Variants in KSR2 observed in about 807,000 individuals in gnomAD.
KSR2 encodes kinase suppressor of ras 2.
KSR2 carries 25 observed loss-of-function variants against 107.8 expected under a neutral mutation model. The ratio of observed to expected loss-of-function variants is 0.23; its 90% confidence interval spans 0.17 to 0.32. The LOEUF (loss-of-function observed/expected upper bound fraction) is 0.32. Among genes scored for constraint, KSR2 ranks in the 10% least tolerant of loss-of-function variants. The pLI is 1.00. For missense variants in KSR2, 887 were observed against 1,268.9 expected, an observed-to-expected ratio of 0.70 and a Z score of 4.57; for synonymous variants, 480 against 507.0, an observed-to-expected ratio of 0.95 and a Z score of 0.71.
intron 5 of KSR2, among the ~76,000 whole-genome samples, chr12:117,601,639 C>A (rs56244007): frequency 1.3e-5 from 2 of 152,158 alleles, no homozygotes; most frequent in African/African-American, 2.4e-5. Context: ...AAGGACCCCC[C>A]CCTAGAGCCT....
chr12:117,739,532 T>G (rs1888092353), intron 4 of KSR2, among the ~76,000 whole-genome samples: 1 of 152,178 alleles, frequency 6.6e-6, no homozygotes, highest in Non-Finnish European at 1.5e-5. Context: ...GTACAATTAG[T>G]GCCGGGCATA....
At chr12:117,709,548 C>A (rs1886668870) in intron 4 of KSR2, among the ~76,000 whole-genome samples, 1 of 152,114 alleles carries the variant, frequency 6.6e-6, no homozygotes, top group South Asian at 2.1e-4. Context: ...GCTCAGAAGG[C>A]CTCACGGGAT....
At chr12:117,527,279 CGACACACACACACACACACACA>C (rs1875239720) in intron 12 of KSR2, among the ~76,000 whole-genome samples, 160 bp from the exon 13 acceptor site, 16 of 132,130 alleles carry the variant, frequency 1.2e-4, no homozygotes, top group South Asian at 2.5e-4. Flanking sequence ...TCCATAACCT[CGACACACACACACACACACACA>C]GACACACACA....
At chr12:117,546,167 C>T (rs1001530200) in intron 9 of KSR2, among the ~76,000 whole-genome samples, 5 of 152,144 alleles carry the variant, frequency 3.3e-5, no homozygotes, top group African/African-American at 7.2e-5. Flanking sequence ...TTATGGCAAA[C>T]AGTCTTAGTT....
At chr12:117,558,633 G>T (rs1433092538) in intron 7 of KSR2, 60 bp from the exon 8 acceptor site, 1 of 1,320,576 alleles carries the variant, frequency 7.6e-7, no homozygotes, top group Non-Finnish European at 1.1e-6. Context: ...GCGGGTAGGT[G>T]GGTGGGTGGA....
chr12:117,751,343 C>T (rs1323355017), intron 4 of KSR2, among the ~76,000 whole-genome samples: 3 of 152,188 alleles, frequency 2.0e-5, no homozygotes, highest in Non-Finnish European at 4.4e-5. Context: ...TCATTAGCAG[C>T]GTGAGAACGG....
chr12:117,630,376 C>CATGTGT (rs1433840819), intron 5 of KSR2, among the ~76,000 whole-genome samples: 1 of 148,530 alleles, frequency 6.7e-6, no homozygotes, highest in African/African-American at 2.6e-5. Context: ...TGTGTGTGTG[C>CATGTGT]ATGTGTATGT....
intron 4 of KSR2, among the ~76,000 whole-genome samples, chr12:117,704,788 G>A (rs928445795): frequency 6.6e-6 from 1 of 152,036 alleles, no homozygotes; most frequent in Admixed American, 6.5e-5. Context: ...GAACCCAGGA[G>A]GTGGAGGTTG....
intron 5 of KSR2, among the ~76,000 whole-genome samples, chr12:117,631,239 T>C (rs55738113): frequency 0.039 from 5,903 of 152,278 alleles, 259 homozygotes; most frequent in East Asian, 0.24. Flanking sequence ...TGTTTGAGGC[T>C]GCAGCAAGCT....
chr12:117,491,691 C>T (rs190797433), intron 14 of KSR2, among the ~76,000 whole-genome samples: 23 of 152,210 alleles, frequency 1.5e-4, no homozygotes, highest in African/African-American at 4.1e-4. Flanking sequence ...TACAATGAAC[C>T]GGGGGAGCAC....
chr12:117,751,467 ATCACT>A (rs1199851365), intron 4 of KSR2, among the ~76,000 whole-genome samples: 1 of 152,176 alleles, frequency 6.6e-6, no homozygotes, highest in Non-Finnish European at 1.5e-5. Context: ...AAGAGGAAAC[ATCACT>A]GTGCTAGTGG....
intron 1 of KSR2, among the ~76,000 whole-genome samples, chr12:117,879,029 C>T (rs10850917): frequency 0.39 from 59,532 of 151,884 alleles, 14,237 homozygotes; most frequent in East Asian, 0.87. Flanking sequence ...GGTCATTATG[C>T]GACCTCAGGC....
intron 1 of KSR2, among the ~76,000 whole-genome samples, chr12:117,943,610 G>A (rs1216678589): frequency 1.3e-5 from 2 of 151,600 alleles, no homozygotes; most frequent in Admixed American, 6.6e-5. Context: ...AACAAAATGG[G>A]CAGATACATA....
At chr12:117,584,031 G>A (rs538590092) in intron 5 of KSR2, among the ~76,000 whole-genome samples, 6 of 152,170 alleles carry the variant, frequency 3.9e-5, no homozygotes, top group Non-Finnish European at 7.3e-5. Context: ...GTCGGCAGCC[G>A]TCTGAAAGCT....
At chr12:117,545,611 C>T (rs968810643) in intron 9 of KSR2, among the ~76,000 whole-genome samples, 1 of 152,124 alleles carries the variant, frequency 6.6e-6, no homozygotes, top group Admixed American at 6.5e-5. Flanking sequence ...TTGATGACTG[C>T]AGGGTCTGTA....
At position 117,848,799 on chromosome 12, in the gene KSR2, TAACAAC is replaced by T. The variant is rs1275462286; in HGVS notation, c.472+6623_472+6628del. ...TGATGGTGGTGGGTGGTGATGGTGG[TAACAAC>T]AGTGATGGTGGTGGGTGGTGATGGT... is the stretch of plus-strand genomic sequence containing the variant. On this transcript the variant is annotated intron_variant, in intron 3 of 19. Transcript: ENST00000339824. Among the ~76,000 whole-genome samples the T allele has an allele frequency of 1.2e-3, 172 of 146,508 alleles. 2 individuals carry two copies. The highest frequency in any genetic ancestry group is 1.9e-3 in the Non-Finnish European group (125 of 67,564).
chr12:117,610,432 C>A (rs1436587206), intron 5 of KSR2, among the ~76,000 whole-genome samples: 1 of 152,002 alleles, frequency 6.6e-6, no homozygotes, highest in African/African-American at 2.4e-5. Context: ...AGATACTATG[C>A]AGCCATTAAA....
Position 117,706,119 on chromosome 12 carries a change from C to T in KSR2, c.987-38461G>A, listed in dbSNP as rs564032116. Among the ~76,000 whole-genome samples the T allele has an allele frequency of 2.0e-5, 3 of 149,874 alleles. No individual in the cohort carries two copies. The South Asian group carries it at 6.4e-4, about 32-fold the overall frequency. ...AGAGCAGTGGTGCAATCTCGGCTCA[C>T]TGCAATCTCTGCCCCGCGGGTTCAA... On this transcript the variant is annotated intron_variant, in intron 4 of 19. Coordinates refer to ENST00000339824, the MANE Select transcript of KSR2 (RefSeq NM_173598.6).
chr12:117,871,910 G>A (rs1259549651), intron 1 of KSR2, among the ~76,000 whole-genome samples: 1 of 151,962 alleles, frequency 6.6e-6, no homozygotes, highest in African/African-American at 2.4e-5. Flanking sequence ...TTTCACCTCA[G>A]CCTTCTGAAT....
Sources: gnomAD v4.1 joint callset for allele counts (sites outside exome capture counted in the v4.1 genomes callset) on GRCh38, gnomAD v4.1.1 for gene constraint, MANE v1.5 for transcripts, NCBI Gene and HGNC (gene_info 2026-07-23, HGNC 2026-07-21) for gene names.